The following NAA35 variants were observed in gnomAD, a reference collection of about 807,000 sequenced individuals.
The protein encoded by NAA35 is MAK10 homolog, amino-acid N-acetyltransferase subunit.
Under a neutral mutation model 101.7 loss-of-function variants are expected in NAA35, and 18 were observed. The ratio of observed to expected loss-of-function variants is 0.18; its 90% CI spans 0.12 to 0.26. NAA35 has a LOEUF of 0.26. NAA35 is among the 10% of genes least tolerant of loss of function. The pLI is 1.00. For missense variants in NAA35, 601 were observed against 886.8 expected, an observed-to-expected ratio of 0.68 and a Z score of 4.09; for synonymous variants, 267 against 273.1, an observed-to-expected ratio of 0.98 and a Z score of 0.22.
rs1377079006 is a variant in NAA35, at chr9:86,024,204, C to T, written c.*2244C>T. On this transcript the variant is annotated 3_prime_UTR_variant, in exon 23 of 23. Coordinates refer to ENST00000361671, the MANE Select transcript of NAA35 (RefSeq NM_024635.4). ...TGTATGCTGGGTAGGAGAACTGCCC[C>T]ACGTGAAACTTTAGGTGACAAATCC... Among the ~76,000 whole-genome samples, 1 of 152,142 alleles carries T rather than the reference C, an allele frequency of 6.6e-6. No homozygotes were observed. Among genetic ancestry groups the T allele is most frequent in the Non-Finnish European group, 1.5e-5 (1 of 68,032 alleles).
intron 11 of NAA35, chr9:85,986,475 C>T (rs1056999423): frequency 4.3e-6 from 2 of 469,618 alleles, no homozygotes; most frequent in African/African-American, 2.0e-5. Context: ...CTTTTCAGGT[C>T]TCTGACATCT....
chr9:85,961,078 G>T (rs1242315205), intron 5 of NAA35, among the ~76,000 whole-genome samples: 3 of 152,110 alleles, frequency 2.0e-5, no homozygotes, highest in Non-Finnish European at 4.4e-5. Context: ...CAAAGTTGAG[G>T]AACTATTCTG....
At chr9:85,983,613 A>G (rs1222863047) in intron 11 of NAA35, among the ~76,000 whole-genome samples, 2 of 152,194 alleles carry the variant, frequency 1.3e-5, no homozygotes, top group South Asian at 2.1e-4. Context: ...AGGATGCTAT[A>G]TGAAAGGAAA....
rs758831639 is a variant in NAA35, at chr9:86,007,450, G to A, written c.1209G>A (p.Pro403=). The A allele has an allele frequency of 3.5e-5, 57 of 1,612,734 alleles. No individual in the cohort carries two copies. Among genetic ancestry groups the A allele is most frequent in the Non-Finnish European group, 4.7e-5 (55 of 1,179,064 alleles). ...KDALRSFVSP[P]VLSPKCYLYN... is the part of the protein sequence containing the mutation. Reference sequence around the variant, plus strand: ...CACTTCGGTCTTTTGTCAGTCCTCCGGTGCTTTCCCCCAAGTAAGTATTGT... The same window carrying A: ...CACTTCGGTCTTTTGTCAGTCCTCCAGTGCTTTCCCCCAAGTAAGTATTGT... Residue 403 remains proline, a synonymous_variant, in exon 14 of 23, where the codon CCG becomes CCA. Coordinates refer to ENST00000361671, the MANE Select transcript of NAA35 (RefSeq NM_024635.4).
At chr9:86,003,998 G>C (rs1280042812) in intron 13 of NAA35, among the ~76,000 whole-genome samples, 2 of 152,218 alleles carry the variant, frequency 1.3e-5, no homozygotes, top group African/African-American at 4.8e-5. Context: ...CAGAGGTCTT[G>C]AGGGGAGTTC....
intron 18 of NAA35, among the ~76,000 whole-genome samples, chr9:86,017,091 C>T (rs1387646200): frequency 1.3e-5 from 2 of 152,192 alleles, no homozygotes; most frequent in East Asian, 1.9e-4. Flanking sequence ...GACAGAGAAC[C>T]GTTTCAAAGG....
chr9:86,011,184 A>G (rs1479074727), intron 15 of NAA35, among the ~76,000 whole-genome samples: 1 of 150,540 alleles, frequency 6.6e-6, no homozygotes, highest in Non-Finnish European at 1.5e-5. Context: ...GGTTGCAGTG[A>G]GTAGAGATCA....
intron 12 of NAA35, among the ~76,000 whole-genome samples, chr9:86,001,002 A>G (rs1363005667): frequency 2.6e-5 from 4 of 151,860 alleles, no homozygotes; most frequent in African/African-American, 4.8e-5. Context: ...AGATCTTTCT[A>G]ACTTTTTGAT....
chr9:85,984,737 A>G (rs1390654604), intron 11 of NAA35, among the ~76,000 whole-genome samples: 3 of 152,212 alleles, frequency 2.0e-5, no homozygotes, highest in South Asian at 2.1e-4. Context: ...CTCGGTTGCT[A>G]TTTGACAAGG....
At chr9:86,011,275 CAA>C (rs1310970412) in intron 15 of NAA35, among the ~76,000 whole-genome samples, 1 of 151,822 alleles carries the variant, frequency 6.6e-6, no homozygotes, top group African/African-American at 2.4e-5. Flanking sequence ...AATGAGGTCA[CAA>C]ATTGTTTTCA....
At chr9:85,994,734 T>G (rs540714373) in intron 11 of NAA35, among the ~76,000 whole-genome samples, 186 of 152,282 alleles carry the variant, frequency 1.2e-3, no homozygotes, top group African/African-American at 4.4e-3. Context: ...AAATCTTTTA[T>G]CCGGGGGGAA....
chr9:85,942,343 C>G, intron 2 of NAA35, 60 bp downstream of exon 2: 1 of 1,577,824 alleles, frequency 6.3e-7, no homozygotes, highest in South Asian at 1.2e-5. Context: ...GACGATTGTG[C>G]TTTCTAAACT....
At chr9:85,965,866 C>T (rs1157651858) in intron 6 of NAA35, among the ~76,000 whole-genome samples, 13 of 152,026 alleles carry the variant, frequency 8.6e-5, no homozygotes, top group Admixed American at 8.5e-4. Context: ...CTTGTTTGCA[C>T]TGTTGGGATT....
At chr9:85,962,924 G>T (rs1420917829) in intron 6 of NAA35, among the ~76,000 whole-genome samples, 2 of 152,146 alleles carry the variant, frequency 1.3e-5, no homozygotes, top group Admixed American at 6.5e-5. Context: ...AGGAAGTATT[G>T]TGAGTTTTAG....
chr9:85,942,338 T>C, intron 2 of NAA35, 55 bp downstream of exon 2: 3 of 1,588,258 alleles, frequency 1.9e-6, no homozygotes, highest in Non-Finnish European at 2.6e-6. Flanking sequence ...AGAATGACGA[T>C]TGTGCTTTCT....
intron 18 of NAA35, 145 bp downstream of exon 18, chr9:86,016,820 G>T (rs889222705): frequency 1.9e-5 from 14 of 733,240 alleles, no homozygotes; most frequent in Non-Finnish European, 3.0e-5. Flanking sequence ...CTGAGTCCCA[G>T]TATCAATGAC....
chr9:85,941,238 A>G lies in NAA35; in HGVS notation c.-41A>G, dbSNP rs544193368. 2.1e-4 allele frequency: 210 copies of G among 986,088 alleles called. No homozygotes were observed. In the African/African-American group the frequency reaches 3.6e-3, roughly 17 times the overall value. 61.1% of individuals were successfully genotyped at this position (986,088 alleles called of 1,614,324 possible). ...GCGTCGTTATTTCCGTGGTCCGGAC[A>G]GTGCGTGGCGGCGCGGGTGACCACG... On this transcript the variant is annotated 5_prime_UTR_variant, in exon 1 of 23. Coordinates refer to ENST00000361671, the MANE Select transcript of NAA35 (RefSeq NM_024635.4).
intron 2 of NAA35, 117 bp downstream of exon 2, chr9:85,942,400 G>A: frequency 2.2e-6 from 3 of 1,362,544 alleles, no homozygotes. Flanking sequence ...TGTTGAGTTT[G>A]TTAGCCACAC....
intron 6 of NAA35, among the ~76,000 whole-genome samples, chr9:85,969,451 C>T (rs1057245411): frequency 6.6e-6 from 1 of 152,174 alleles, no homozygotes; most frequent in South Asian, 2.1e-4. Context: ...GTGCATTGAT[C>T]CCATGCTCTA....
Sources: gnomAD v4.1 joint callset for allele counts (sites outside exome capture counted in the v4.1 genomes callset) on GRCh38, gnomAD v4.1.1 for gene constraint, MANE v1.5 for transcripts, NCBI Gene and HGNC (gene_info 2026-07-23, HGNC 2026-07-21) for gene names.